The following XKR9 variants were observed in gnomAD, a reference collection of about 807,000 sequenced individuals.
The protein encoded by XKR9 is XK related 9.
XKR9 carries 32 observed loss-of-function variants against 32.0 expected under a neutral mutation model. The observed-to-expected ratio is 1.00, with a 90% CI of 0.76 to 1.34. The LOEUF is 1.34. XKR9 is among the 40% of genes most tolerant of loss of function. The pLI is 0.00. For synonymous variants in XKR9, 168 were observed against 143.4 expected (o/e 1.17, Z -1.22); for missense variants, 546 against 429.7 (o/e 1.27, Z -2.39).
intron 4 of XKR9, among the ~76,000 whole-genome samples, chr8:70,727,059 A>G (rs895096078): frequency 6.6e-6 from 1 of 152,216 alleles, no homozygotes; most frequent in Non-Finnish European, 1.5e-5. Flanking sequence ...TGACATGGTT[A>G]AATTTCCAGG....
At chr8:70,815,651 G>T in the XKR9 span, among the ~76,000 whole-genome samples, 1 of 151,732 alleles carries the variant, frequency 6.6e-6, no homozygotes, top group East Asian at 1.9e-4. Context: ...TCAGCCTCCC[G>T]AGTAGCTGGG....
intron 3 of XKR9, among the ~76,000 whole-genome samples, chr8:70,691,949 G>A (rs558068618): frequency 1.4e-4 from 22 of 152,168 alleles, no homozygotes; most frequent in Non-Finnish European, 2.6e-4. Flanking sequence ...GTTTTGTGAG[G>A]AATGTCATTG....
At chr8:70,940,778 C>T in the XKR9 span, among the ~76,000 whole-genome samples, 1 of 151,940 alleles carries the variant, frequency 6.6e-6, no homozygotes, top group Non-Finnish European at 1.5e-5. Context: ...GAATATATTT[C>T]TCTTCCCTTT....
chr8:70,763,428 C>T (rs1807333902), intron 2 of XKR9, among the ~76,000 whole-genome samples: 1 of 152,128 alleles, frequency 6.6e-6, no homozygotes, highest in African/African-American at 2.4e-5. Context: ...TTTTAGCATT[C>T]CTAGAGATCT....
the XKR9 span, among the ~76,000 whole-genome samples, chr8:70,961,806 G>A: frequency 6.6e-6 from 1 of 151,854 alleles, no homozygotes; most frequent in Non-Finnish European, 1.5e-5. Flanking sequence ...TTCCTCTAAT[G>A]TGTGTAGTAT....
At chr8:70,715,734 T>C (rs1806065879) in intron 4 of XKR9, among the ~76,000 whole-genome samples, 1 of 152,118 alleles carries the variant, frequency 6.6e-6, no homozygotes, top group Non-Finnish European at 1.5e-5. Context: ...AGTAATGTAC[T>C]AAGGATAGAA....
intron 4 of XKR9, among the ~76,000 whole-genome samples, chr8:70,718,548 A>G (rs1197918307): frequency 6.6e-6 from 1 of 151,988 alleles, no homozygotes; most frequent in Non-Finnish European, 1.5e-5. Context: ...TTCAACTCCC[A>G]TTTATGAGTG....
At chr8:70,835,074 G>A in the XKR9 span, among the ~76,000 whole-genome samples, 370 of 152,180 alleles carry the variant, frequency 2.4e-3, no homozygotes, top group African/African-American at 8.7e-3. Flanking sequence ...TGCCCCTGTG[G>A]CTGGCATTTA....
At chr8:70,820,772 C>G in the XKR9 span, among the ~76,000 whole-genome samples, 1 of 152,146 alleles carries the variant, frequency 6.6e-6, no homozygotes, top group African/African-American at 2.4e-5. Flanking sequence ...ATCGTGAGAA[C>G]TCGCTCATTA....
At chr8:70,941,286 G>A in the XKR9 span, among the ~76,000 whole-genome samples, 1 of 152,052 alleles carries the variant, frequency 6.6e-6, no homozygotes. Context: ...ACACATTGTA[G>A]CATGTATCAA....
the XKR9 span, among the ~76,000 whole-genome samples, chr8:71,000,467 G>A: frequency 3.3e-5 from 5 of 152,236 alleles, no homozygotes; most frequent in African/African-American, 4.8e-5. Context: ...CAGAGGTCTC[G>A]TCGAAAGTTG....
chr8:70,753,160 T>A (rs1267710902), intron 2 of XKR9, among the ~76,000 whole-genome samples: 1 of 151,936 alleles, frequency 6.6e-6, no homozygotes, highest in Non-Finnish European at 1.5e-5. Context: ...AACTAGAAAA[T>A]CTAGAAGAAA....
intron 2 of XKR9, among the ~76,000 whole-genome samples, chr8:70,778,671 G>A (rs1193416651): frequency 4.6e-5 from 7 of 152,118 alleles, no homozygotes; most frequent in Non-Finnish European, 7.3e-5. Context: ...CACATCCCTT[G>A]TAAGTTGGAT....
chr8:70,677,531 A>C (rs1464629271), intron 2 of XKR9, among the ~76,000 whole-genome samples: 1 of 152,218 alleles, frequency 6.6e-6, no homozygotes, highest in Non-Finnish European at 1.5e-5. Flanking sequence ...ACTACAGAAA[A>C]GAATAATATA....
chr8:70,720,049 C>T (rs1806224329), intron 4 of XKR9, among the ~76,000 whole-genome samples: 1 of 152,070 alleles, frequency 6.6e-6, no homozygotes, highest in African/African-American at 2.4e-5. Context: ...GCATTTTATT[C>T]TCTTTGTAGC....
the XKR9 span, among the ~76,000 whole-genome samples, chr8:70,853,962 A>C: frequency 6.6e-6 from 1 of 152,156 alleles, no homozygotes; most frequent in Non-Finnish European, 1.5e-5. Flanking sequence ...AGTCTTTGCT[A>C]TTGTGAATAG....
At chr8:70,837,921 C>G in the XKR9 span, among the ~76,000 whole-genome samples, 65 of 152,194 alleles carry the variant, frequency 4.3e-4, no homozygotes, top group East Asian at 1.7e-3. Context: ...GGTTTCTAAA[C>G]AGTATCATTT....
chr8:70,674,674 A>G (rs1256672305), intron 1 of XKR9, 144 bp from the exon 2 acceptor site: 1 of 152,242 alleles, frequency 6.6e-6, no homozygotes, highest in Non-Finnish European at 1.5e-5. Flanking sequence ...TGAGATAGTT[A>G]TAAAAGGGTG....
chr8:71,026,869 A>G, the XKR9 span, among the ~76,000 whole-genome samples: 3 of 152,320 alleles, frequency 2.0e-5, no homozygotes, highest in East Asian at 5.8e-4. Context: ...GGGAAATTCT[A>G]TCATCATGAA....
Sources: gnomAD v4.1 joint callset for allele counts (sites outside exome capture counted in the v4.1 genomes callset) on GRCh38, gnomAD v4.1.1 for gene constraint, MANE v1.5 for transcripts, NCBI Gene and HGNC (gene_info 2026-07-23, HGNC 2026-07-21) for gene names.